The following PCLO variants were observed in gnomAD, a reference collection of about 807,000 sequenced individuals.
PCLO encodes piccolo presynaptic cytomatrix protein.
In PCLO, 82 loss-of-function variants were observed where a neutral mutation model predicts 427.5. The observed-to-expected ratio is 0.19, with a 90% confidence interval of 0.16 to 0.23. PCLO has a LOEUF of 0.23. Ranked by LOEUF, PCLO falls within the 10% of genes least tolerant of loss-of-function variation. The pLI is 1.00. For missense variants in PCLO, 6,239 were observed against 6,115.9 expected (o/e 1.02, Z -0.67); for synonymous variants, 2,357 against 2,155.4 (o/e 1.09, Z -2.59).
chr7:82,822,603 G>C lies in PCLO; in HGVS notation c.14683C>G (p.Pro4895Ala). The C allele has an allele frequency of 1.2e-6, 2 of 1,613,706 alleles. No homozygotes were observed. Among genetic ancestry groups the C allele is most frequent in the Non-Finnish European group, 1.7e-6 (2 of 1,179,750 alleles). The change falls in exon 20 of 25, where the codon CCA (proline) becomes GCA (alanine). Residue 4895 changes from proline (P) to alanine (A), a missense_variant. Coordinates refer to ENST00000333891, the MANE Select transcript of PCLO (RefSeq NM_033026.6). ...SSEGHLRSHGPSRSQSKTSVT... is the reference protein window; with the variant it reads ...SSEGHLRSHGASRSQSKTSVT... ...CTGGTTTTGCTTTGACTGCGAGATG[G>C]TCCATGAGAACGGAGATGGCCTTCT...
intron 6 of PCLO, among the ~76,000 whole-genome samples, chr7:82,928,449 T>C (rs948733594): frequency 2.0e-5 from 3 of 152,094 alleles, no homozygotes; most frequent in African/African-American, 7.2e-5. Context: ...CTGTTAAGAG[T>C]GCAGTGGCAT....
chr7:82,860,671 C>A (rs117324829), intron 10 of PCLO, among the ~76,000 whole-genome samples: 1 of 151,906 alleles, frequency 6.6e-6, no homozygotes, highest in African/African-American at 2.4e-5. Flanking sequence ...ATTATTATAA[C>A]GCTGTAACTG....
chr7:82,895,331 A>G (rs181603724), intron 9 of PCLO, among the ~76,000 whole-genome samples: 7 of 152,148 alleles, frequency 4.6e-5, no homozygotes, highest in Non-Finnish European at 8.8e-5. Context: ...TAGTCCTTAA[A>G]GGAAAATACA....
At chr7:82,870,078 A>T (rs1793193608) in intron 10 of PCLO, among the ~76,000 whole-genome samples, 1 of 152,024 alleles carries the variant, frequency 6.6e-6, no homozygotes, top group African/African-American at 2.4e-5. Flanking sequence ...CTTCACAGAA[A>T]TACAAAAAAA....
intron 3 of PCLO, among the ~76,000 whole-genome samples, chr7:83,130,781 C>T (rs1390987260): frequency 6.6e-6 from 1 of 152,132 alleles, no homozygotes; most frequent in Non-Finnish European, 1.5e-5. Context: ...ATCTCAGTTA[C>T]ATCACTGGGT....
chr7:82,911,841 T>C (rs972876203), intron 7 of PCLO, among the ~76,000 whole-genome samples: 1 of 152,102 alleles, frequency 6.6e-6, no homozygotes, highest in East Asian at 1.9e-4. Flanking sequence ...TAGGATGGTC[T>C]CGATCTCTTG....
chr7:83,025,866 T>C (rs1788481187), intron 3 of PCLO, among the ~76,000 whole-genome samples: 1 of 150,994 alleles, frequency 6.6e-6, no homozygotes, highest in East Asian at 2.0e-4. Flanking sequence ...GCTTCATAAG[T>C]GAAGGAGAAA....
At chr7:82,841,343 T>A in intron 14 of PCLO, 116 bp downstream of exon 14, 1 of 691,746 alleles carries the variant, frequency 1.4e-6, no homozygotes, top group South Asian at 1.6e-5. Flanking sequence ...CCTTTACAGT[T>A]CTGTATATAT....
At chr7:82,911,069 A>C (rs913355373) in intron 7 of PCLO, among the ~76,000 whole-genome samples, 1 of 152,112 alleles carries the variant, frequency 6.6e-6, no homozygotes, top group Non-Finnish European at 1.5e-5. Flanking sequence ...AATTCTTTGA[A>C]ATGTGTGTTT....
chr7:82,973,756 C>A (rs1795957224), intron 3 of PCLO, among the ~76,000 whole-genome samples: 1 of 151,082 alleles, frequency 6.6e-6, no homozygotes, highest in Admixed American at 6.6e-5. Context: ...ATGTAAAATA[C>A]ATTAACAGAT....
intron 10 of PCLO, among the ~76,000 whole-genome samples, chr7:82,849,696 T>A (rs958722229): frequency 6.6e-6 from 1 of 152,132 alleles, no homozygotes; most frequent in Non-Finnish European, 1.5e-5. Flanking sequence ...AATTGTAACA[T>A]TATATAAACT....
At chr7:82,824,143 A>C in intron 19 of PCLO, 93 bp downstream of exon 19, 2 of 807,714 alleles carry the variant, frequency 2.5e-6, no homozygotes, top group East Asian at 5.4e-5. Context: ...CTAATCTATT[A>C]ATATAGGTTA....
At chr7:83,043,255 T>C (rs1484516798) in intron 3 of PCLO, among the ~76,000 whole-genome samples, 2 of 152,088 alleles carry the variant, frequency 1.3e-5, no homozygotes, top group African/African-American at 4.8e-5. Flanking sequence ...AAGATAGCAA[T>C]AGAGGTCGAG....
At chr7:83,026,815 T>A (rs937251769) in intron 3 of PCLO, among the ~76,000 whole-genome samples, 1 of 147,982 alleles carries the variant, frequency 6.8e-6, no homozygotes, top group Admixed American at 6.7e-5. Context: ...TCAAAACCGC[T>A]CAACTACATG....
intron 3 of PCLO, among the ~76,000 whole-genome samples, chr7:83,012,621 G>GAAAAAAAAAAAAAAAAAAAAAAAAAA (rs537818971): frequency 1.5e-5 from 1 of 66,740 alleles, no homozygotes; most frequent in African/African-American, 5.8e-5. Context: ...CTGTCTCAAG[G>GAAAAAAAAAAAAAAAAAAAAAAAAAA]AAAAAAAAAA....
intron 6 of PCLO, among the ~76,000 whole-genome samples, chr7:82,932,940 A>T (rs1214953991): frequency 1.3e-5 from 2 of 152,028 alleles, no homozygotes; most frequent in African/African-American, 4.8e-5. Context: ...ACTTCTACAT[A>T]TATGTCTGTC....
At chr7:82,776,696 G>C (rs1790758149) in intron 22 of PCLO, among the ~76,000 whole-genome samples, 1 of 152,124 alleles carries the variant, frequency 6.6e-6, no homozygotes, top group Non-Finnish European at 1.5e-5. Flanking sequence ...TCAGGAGGCT[G>C]AAGCGGGAGA....
intron 3 of PCLO, among the ~76,000 whole-genome samples, chr7:82,973,786 T>A (rs1185047801): frequency 6.6e-6 from 1 of 152,072 alleles, no homozygotes; most frequent in South Asian, 2.1e-4. Flanking sequence ...AATAGCAACA[T>A]GCCAACTAAA....
intron 3 of PCLO, among the ~76,000 whole-genome samples, chr7:83,129,518 T>C (rs928995614): frequency 6.6e-5 from 10 of 152,132 alleles, no homozygotes; most frequent in Non-Finnish European, 1.5e-4. Context: ...TCACATACAC[T>C]AGTGGTGGCA....
Sources: allele counts gnomAD v4.1 joint callset (sites outside exome capture counted in the v4.1 genomes callset), GRCh38; gene constraint gnomAD v4.1.1; transcripts MANE v1.5; gene names NCBI Gene and HGNC (gene_info 2026-07-23, HGNC 2026-07-21).